TFAP2A: variants seen among roughly 807,000 people sequenced by gnomAD.
TFAP2A encodes the protein transcription factor AP-2 alpha.
Under a neutral mutation model 41.5 loss-of-function variants are expected in TFAP2A, and 7 were observed. That is an observed-to-expected ratio of 0.17 (90% CI 0.10 to 0.32). The LOEUF (loss-of-function observed/expected upper bound fraction) is 0.32, where lower values mean the gene tolerates loss of function less well. Ranked by LOEUF, TFAP2A falls within the 10% of genes least tolerant of loss-of-function variation. The probability of loss-of-function intolerance (pLI) is 1.00; values close to 1 mark genes in which losing one functional copy is unlikely to be tolerated. For synonymous variants in TFAP2A, 247 were observed against 242.8 expected (o/e 1.02, Z -0.16); for missense variants, 416 against 563.3 (o/e 0.74, Z 2.65).
In TFAP2A at chr6:10,409,908, T is replaced by A. The variant is rs1437702443; in HGVS notation, c.479A>T (p.Glu160Val). Reference protein sequence around the residue: ...SIHSLPHAIEEVPHVEDPGIN... With the variant: ...SIHSLPHAIEVVPHVEDPGIN... ...GGTTGCGCGGCCTCTTACCGGGACC[T>A]CCTCGATGGCGTGAGGTAAGGAGTG... is the stretch of plus-strand genomic sequence containing the variant. The change falls in exon 2 of 7, where the codon GAG (glutamate) becomes GTG (valine). Residue 160 changes from glutamate to valine, a missense_variant. Glu to Val is a moderately radical substitution (Grantham distance 121). Coordinates refer to ENST00000379613, the MANE Select transcript of TFAP2A (RefSeq NM_001372066.1). The A allele has an allele frequency of 3.9e-6, 6 of 1,548,332 alleles. No homozygotes were observed. The East Asian group carries it at 1.5e-4, about 38-fold the overall frequency.
At position 10,402,549 on chromosome 6, in the gene TFAP2A, G is replaced by A. The variant is rs758856518; in HGVS notation, c.832C>T (p.Leu278=). 1.2e-6 allele frequency: 2 copies of A among 1,614,172 alleles called. No individual in the cohort carries two copies. The highest frequency in any genetic ancestry group is 8.5e-7 in the Non-Finnish European group (1 of 1,180,008). The stretch of plus-strand genomic sequence containing the variant: ...GCAGCTTTACGTCTCCCTGCAGGCA[G>A]ATTTAATCCTATTTTGTCCAGTTTT... ...REKLDKIGLN[L]PAGRRKAANV... is the part of the protein sequence containing the mutation. Residue 278 remains leucine, a synonymous_variant, in exon 5 of 7, where the codon CTG becomes TTG. Transcript: ENST00000379613.
intron 4 of TFAP2A, among the ~76,000 whole-genome samples, chr6:10,403,106 C>T (rs1330007144): frequency 1.3e-5 from 2 of 152,230 alleles, no homozygotes; most frequent in Non-Finnish European, 2.9e-5. Context: ...CAACTGTTTA[C>T]GTGCCATGTC....
At chr6:10,400,839 C>T (rs1204601672) in intron 5 of TFAP2A, 1 of 662,018 alleles carries the variant, frequency 1.5e-6, no homozygotes, top group African/African-American at 1.8e-5. Context: ...CCACCAACCT[C>T]CAGTCCCATC....
rs1761856116 is a variant in TFAP2A, at chr6:10,398,202, G to A, written c.*215C>T. The stretch of plus-strand genomic sequence containing the variant: ...TGTGGGAGCGGGTGGGGAGGTCGAG[G>A]CGGGTGCAGAGTCGGAGAGGCTGCC... On this transcript the variant is annotated 3_prime_UTR_variant, in exon 7 of 7. Coordinates refer to ENST00000379613, the MANE Select transcript of TFAP2A (RefSeq NM_001372066.1). This position sits in a 1 kb window ranked among gnomAD's most constrained non-coding sequence, Gnocchi z 5.3. 1 of 1,457,230 alleles carries A rather than the reference G, an allele frequency of 6.9e-7. No individual in the cohort carries two copies. The allele number at this position is 1,457,230 out of a possible 1,614,324, so 90.3% of individuals were successfully genotyped here.
intron 3 of TFAP2A, chr6:10,405,571 C>T (rs1757675209): frequency 6.8e-6 from 1 of 146,120 alleles, no homozygotes; most frequent in African/African-American, 2.7e-5. Flanking sequence ...TATTGCTGGA[C>T]TCACCACTGT....
In TFAP2A at chr6:10,406,705, T is replaced by C. The variant is rs1423206859; in HGVS notation, c.538+88A>G. 4.0e-5 allele frequency: 47 copies of C among 1,171,614 alleles called. No individual in the cohort carries two copies. The South Asian group carries it at 5.4e-4, about 13-fold the overall frequency. The allele number at this position is 1,171,614 out of a possible 1,614,324, so 72.6% of individuals were successfully genotyped here. On this transcript the variant is annotated intron_variant, in intron 3 of 6. Transcript: ENST00000379613. ...TTCTGAGCCTTTAGGAAATCCTATT[T>C]GGAAAAAATAAACACATCTCTGCAA...
At chr6:10,403,486 C>CA (rs1757513020) in intron 4 of TFAP2A, among the ~76,000 whole-genome samples, 4 of 152,116 alleles carry the variant, frequency 2.6e-5, no homozygotes, top group Admixed American at 2.6e-4. Context: ...TAAACCCTTC[C>CA]AAAAAATGAT....
chr6:10,413,152 A>G (rs1303685470), intron 1 of TFAP2A, among the ~76,000 whole-genome samples: 3 of 152,234 alleles, frequency 2.0e-5, no homozygotes, highest in East Asian at 1.9e-4. Flanking sequence ...GCGTGTCCCT[A>G]CAGAGCCCCG....
intron 2 of TFAP2A, chr6:10,407,531 G>T (rs1757778525): frequency 1.3e-5 from 2 of 148,570 alleles, no homozygotes; most frequent in Admixed American, 6.7e-5. Context: ...AGATGGATGG[G>T]TATACGTGTG....
At chr6:10,412,234 G>A (rs76414670) in intron 1 of TFAP2A, 4 of 987,676 alleles carry the variant, frequency 4.0e-6, no homozygotes, top group Admixed American at 6.1e-5. Context: ...CGCGCGGGGG[G>A]CCGCGGCGCG....
chr6:10,400,874 A>C (rs192014038), intron 5 of TFAP2A: 129 of 609,722 alleles, frequency 2.1e-4, no homozygotes, highest in Non-Finnish European at 3.5e-4. Context: ...ACACTTCTCC[A>C]AATTCTCTTT....
chr6:10,409,654 GT>G (rs1404863086), intron 2 of TFAP2A: 3 of 549,080 alleles, frequency 5.5e-6, no homozygotes, highest in Non-Finnish European at 9.8e-6. Flanking sequence ...ATTTATCTGT[GT>G]TGGTGGAAAT....
chr6:10,405,041 T>C (rs1581263612), intron 3 of TFAP2A: 1 of 477,004 alleles, frequency 2.1e-6, no homozygotes, highest in African/African-American at 1.9e-5. Flanking sequence ...GGTGGTGAAA[T>C]TGGTGACCCC....
intron 2 of TFAP2A, among the ~76,000 whole-genome samples, chr6:10,408,268 G>T (rs1429612105): frequency 6.6e-6 from 1 of 152,214 alleles, no homozygotes; most frequent in East Asian, 1.9e-4. Context: ...GGGGGAGGGA[G>T]AGGGAAAAAC....
In TFAP2A at chr6:10,397,906, T is replaced by A. The variant is rs1761836023; in HGVS notation, c.*511A>T. 1 of 988,070 alleles carries A rather than the reference T, an allele frequency of 1.0e-6. No individual in the cohort carries two copies. 61.2% of individuals were successfully genotyped at this position (988,070 alleles called of 1,614,324 possible). On this transcript the variant is annotated 3_prime_UTR_variant, in exon 7 of 7. Transcript: ENST00000379613. The stretch of plus-strand genomic sequence containing the variant: ...AATACTGATAAAAATGTTGTCATCA[T>A]CTTTTGGCTTTTTTTTTTTTTTTAA...
rs952111195 is a variant in TFAP2A at position 10,398,278 on chromosome 6, AGCGGCGGCG to A, written c.*130_*138del. On this transcript the variant is annotated 3_prime_UTR_variant, in exon 7 of 7. Transcript: ENST00000379613. The surrounding 1 kb of genome is among the most constrained non-coding windows in gnomAD (Gnocchi z 5.3). ...CGGAGACTCGGGGGGACCCAAGGGCAGCGGCGGCGGCGGCGGCGGCAGCAGCAGCAGCAG... is the reference window on the plus strand; with the variant it reads ...CGGAGACTCGGGGGGACCCAAGGGCAGCGGCGGCGGCAGCAGCAGCAGCAG... The A allele has an allele frequency of 1.4e-5, 22 of 1,568,392 alleles. No individual in the cohort carries two copies. Among genetic ancestry groups the A allele is most frequent in the Middle Eastern group, 2.2e-4 (1 of 4,626 alleles).
At chr6:10,412,086 C>G (rs1757995287) in intron 1 of TFAP2A, 2 of 995,334 alleles carry the variant, frequency 2.0e-6, no homozygotes, top group East Asian at 1.1e-4. Context: ...GCCTGGAAAT[C>G]GAGCGTGAAG....
intron 3 of TFAP2A, 61 bp from the exon 4 acceptor site, chr6:10,404,800 G>A (rs1173238889): frequency 2.0e-6 from 3 of 1,493,284 alleles, no homozygotes; most frequent in Non-Finnish European, 2.8e-6. Context: ...AATCCTGCCC[G>A]ACCCCGGCCC....
At chr6:10,408,057 C>T (rs1217671281) in intron 2 of TFAP2A, 1 of 152,098 alleles carries the variant, frequency 6.6e-6, no homozygotes, top group Admixed American at 6.5e-5. Context: ...ATTTCTAGAC[C>T]TTGTCCATAC....
Sources: gnomAD v4.1 joint callset for allele counts (sites outside exome capture counted in the v4.1 genomes callset) on GRCh38, gnomAD v4.1.1 for gene constraint, Gnocchi (gnomAD v3.1) non-coding constraint, MANE v1.5 for transcripts, NCBI Gene and HGNC (gene_info 2026-07-23, HGNC 2026-07-21) for gene names.